Variants in METTL16 observed in about 807,000 individuals in gnomAD.
METTL16 encodes RNA N(6)-adenosine-methyltransferase METTL16.
METTL16 carries 19 observed loss-of-function variants against 57.9 expected under a neutral mutation model. The observed-to-expected ratio is 0.33, with a 90% CI of 0.23 to 0.48. The LOEUF (loss-of-function observed/expected upper bound fraction) is 0.48. Among genes scored for constraint, METTL16 ranks in the 20% least tolerant of loss-of-function variants. The pLI is 0.99. For synonymous variants in METTL16, 246 were observed against 255.6 expected, an observed-to-expected ratio of 0.96 and a Z score of 0.36; for missense variants, 434 against 691.5, an observed-to-expected ratio of 0.63 and a Z score of 4.18.
At chr17:2,454,352 C>T (rs1240682768) in intron 6 of METTL16, among the ~76,000 whole-genome samples, 2 of 151,922 alleles carry the variant, frequency 1.3e-5, no homozygotes, top group African/African-American at 4.8e-5. Flanking sequence ...TAGTAAAATC[C>T]AACACCTTGC....
chr17:2,457,060 G>T (rs1021249447), intron 6 of METTL16, among the ~76,000 whole-genome samples: 9 of 151,880 alleles, frequency 5.9e-5, no homozygotes, highest in East Asian at 3.9e-4. Context: ...TCAGCTGGGC[G>T]TGGTGGCTCA....
At position 2,511,871 on chromosome 17, in the gene METTL16, A is replaced by G. The variant is rs141812723; in HGVS notation, c.-113T>C. 3 of 398,512 alleles carry G rather than the reference A, an allele frequency of 7.5e-6. No individual in the cohort carries two copies. Among genetic ancestry groups the G allele is most frequent in the Non-Finnish European group, 1.3e-5 (3 of 226,142 alleles). The allele number at this position is 398,512 out of a possible 1,614,324, so 24.7% of individuals were successfully genotyped here. A position where few individuals can be genotyped will look rare whatever the true frequency, so the allele number is the denominator to read the frequency against. On this transcript the variant is annotated 5_prime_UTR_variant, in exon 1 of 10. Coordinates refer to ENST00000263092, the MANE Select transcript of METTL16 (RefSeq NM_024086.4). ...CTAGAAACGCAGATGATACGCTCCCAGCGCGCCGCCATCTTGTGAAGCCAT... is the reference window on the plus strand; with the variant it reads ...CTAGAAACGCAGATGATACGCTCCCGGCGCGCCGCCATCTTGTGAAGCCAT...
chr17:2,427,479 A>G (rs998902924), intron 8 of METTL16, among the ~76,000 whole-genome samples: 3 of 152,200 alleles, frequency 2.0e-5, no homozygotes, highest in Non-Finnish European at 4.4e-5. Context: ...AAGAATTGTA[A>G]AAGTAAAAAA....
chr17:2,441,934 C>T lies in METTL16; in HGVS notation c.729-375G>A, dbSNP rs1011978710. Among the ~76,000 whole-genome samples, 11 of 152,128 alleles carry T rather than the reference C, an allele frequency of 7.2e-5. No individual in the cohort carries two copies. In the East Asian group the frequency reaches 7.7e-4, roughly 11 times the overall value. On this transcript the variant is annotated intron_variant, in intron 6 of 9. Coordinates refer to ENST00000263092, the MANE Select transcript of METTL16 (RefSeq NM_024086.4). ...ACAAAAACATAATACTAAGAGAACTCAAGATTAGATCCAGCATGAACCTGT... is the reference window on the plus strand; with the variant it reads ...ACAAAAACATAATACTAAGAGAACTTAAGATTAGATCCAGCATGAACCTGT...
At chr17:2,455,771 C>G (rs1034856823) in intron 6 of METTL16, among the ~76,000 whole-genome samples, 3 of 152,066 alleles carry the variant, frequency 2.0e-5, no homozygotes, top group African/African-American at 7.2e-5. Context: ...GACTTGAGCC[C>G]AGGACTTTGA....
chr17:2,452,133 T>C (rs1195292302), intron 6 of METTL16, among the ~76,000 whole-genome samples: 2 of 121,322 alleles, frequency 1.6e-5, no homozygotes, highest in Non-Finnish European at 1.6e-5. Context: ...CAAGCCCTTG[T>C]CTCAAAAAAA....
chr17:2,416,424 T>A lies in METTL16; in HGVS notation c.*3546A>T, dbSNP rs1259006507. Reference sequence around the variant, plus strand: ...CTCACATGGTAAGCTTTGATTTCCATCGAGAGGAAAGGCTTTATGTTTTAT... The same window carrying A: ...CTCACATGGTAAGCTTTGATTTCCAACGAGAGGAAAGGCTTTATGTTTTAT... On this transcript the variant is annotated 3_prime_UTR_variant, in exon 10 of 10. Transcript: ENST00000263092. 6.6e-6 allele frequency: 1 copy of A among 152,176 alleles called. No homozygotes were observed. Among genetic ancestry groups the A allele is most frequent in the Non-Finnish European group, 1.5e-5 (1 of 68,030 alleles). 9.4% of individuals were successfully genotyped at this position (152,176 alleles called of 1,614,324 possible). A position where few individuals can be genotyped will look rare whatever the true frequency, so the allele number is the denominator to read the frequency against.
intron 6 of METTL16, 56 bp from the exon 7 acceptor site, chr17:2,441,615 C>G (rs2066952633): frequency 8.4e-7 from 1 of 1,191,422 alleles, no homozygotes; most frequent in South Asian, 1.6e-5. Flanking sequence ...AAATTTTAAA[C>G]TAAGCATTAT....
chr17:2,506,255 TCCCCCTCCCTCTCCCTCTCCCC>T (rs2067532418), intron 1 of METTL16, among the ~76,000 whole-genome samples: 2 of 50,176 alleles, frequency 4.0e-5, no homozygotes, highest in Non-Finnish European at 4.0e-5. Context: ...TCCCTCCCCC[TCCCCCTCCCTCTCCCTCTCCCC>T]ACGGTCTCCC....
chr17:2,500,341 A>G (rs971269258), intron 2 of METTL16, among the ~76,000 whole-genome samples: 1 of 151,994 alleles, frequency 6.6e-6, no homozygotes, highest in Non-Finnish European at 1.5e-5. Context: ...CAGTGGCACA[A>G]TCTCGGCTCA....
intron 6 of METTL16, among the ~76,000 whole-genome samples, chr17:2,445,901 A>C (rs1418482598): frequency 3.3e-5 from 5 of 152,082 alleles, no homozygotes; most frequent in African/African-American, 9.6e-5. Context: ...AAAAAGAATA[A>C]TACATTATAA....
Position 2,464,261 on chromosome 17 carries a change from T to G in METTL16, c.675A>C (p.Leu225Phe). 1 of 1,614,152 alleles carries G rather than the reference T, an allele frequency of 6.2e-7. No homozygotes were observed. The highest frequency in any genetic ancestry group is 8.5e-7 in the Non-Finnish European group (1 of 1,179,994). The change falls in exon 6 of 10, where the codon TTA becomes TTC. Residue 225 changes from leucine to phenylalanine, a missense_variant. Physicochemically the swap from Leu to Phe is conservative, Grantham distance 22 (BLOSUM62 0). Transcript: ENST00000263092. ...ITEIMAEGGELEFVKRIIHDS... is the reference protein window; with the variant it reads ...ITEIMAEGGEFEFVKRIIHDS... ...CATGGATGATCCTTTTAACAAACTC[T>G]AATTCACCTCCTTCTGCCATGATCT...
At chr17:2,433,057 A>G (rs112840380) in intron 8 of METTL16, among the ~76,000 whole-genome samples, 20,350 of 152,230 alleles carry the variant, frequency 0.13, 4,387 homozygotes, top group African/African-American at 0.46. Context: ...GTATGCCACA[A>G]GGAAGTTTAT....
chr17:2,450,765 A>G (rs1022721446), intron 6 of METTL16, among the ~76,000 whole-genome samples: 4 of 152,146 alleles, frequency 2.6e-5, no homozygotes, highest in Admixed American at 6.6e-5. Flanking sequence ...AAATTCACCT[A>G]ATCGCATTAA....
chr17:2,460,614 G>A (rs928296085), intron 6 of METTL16, among the ~76,000 whole-genome samples: 2 of 152,158 alleles, frequency 1.3e-5, no homozygotes, highest in African/African-American at 2.4e-5. Context: ...GGTTGGGCGC[G>A]GTGGCTCACG....
In METTL16 at chr17:2,425,918, T is replaced by C. The variant is rs2066814725; in HGVS notation, c.889-5014A>G. ...CCCAGACTGGTACAAATTTGAATCT[T>C]CACTTTAATTTCTAAATCTCAATGA... On this transcript the variant is annotated intron_variant, in intron 8 of 9. Coordinates refer to ENST00000263092, the MANE Select transcript of METTL16 (RefSeq NM_024086.4). Among the ~76,000 whole-genome samples the C allele has an allele frequency of 2.0e-5, 3 of 151,746 alleles. No individual in the cohort carries two copies. In the South Asian group the frequency reaches 6.3e-4, roughly 32 times the overall value.
At chr17:2,421,948 C>T (rs147630253) in intron 8 of METTL16, among the ~76,000 whole-genome samples, 4 of 152,246 alleles carry the variant, frequency 2.6e-5, no homozygotes, top group African/African-American at 9.6e-5. Flanking sequence ...CTGGCATCTT[C>T]CATTCTATCT....
At chr17:2,464,796 G>C (rs2067178382) in intron 5 of METTL16, among the ~76,000 whole-genome samples, 1 of 152,034 alleles carries the variant, frequency 6.6e-6, no homozygotes. Context: ...AAAAGGAAAA[G>C]CTAAAACTAT....
chr17:2,449,579 G>C lies in METTL16; in HGVS notation c.729-8020C>G, dbSNP rs535192575. On this transcript the variant is annotated intron_variant, in intron 6 of 9. Coordinates refer to ENST00000263092, the MANE Select transcript of METTL16 (RefSeq NM_024086.4). ...GAGGATTTATACTGCCAGATTTCAAGACTTCTACAAAGCTATGATAATTCA... is the reference window on the plus strand; with the variant it reads ...GAGGATTTATACTGCCAGATTTCAACACTTCTACAAAGCTATGATAATTCA... 2.6e-5 allele frequency among the ~76,000 whole-genome samples: 4 copies of C among 152,172 alleles called. No individual in the cohort carries two copies. In the South Asian group the frequency reaches 8.3e-4, roughly 32 times the overall value.
Sources: allele counts gnomAD v4.1 joint callset (sites outside exome capture counted in the v4.1 genomes callset), GRCh38; gene constraint gnomAD v4.1.1; transcripts MANE v1.5; gene names NCBI Gene and HGNC (gene_info 2026-07-23, HGNC 2026-07-21).